C21orf91: variants seen among roughly 807,000 people sequenced by gnomAD.
C21orf91 encodes the protein protein EURL homolog.
In C21orf91, 26 loss-of-function variants were observed where a neutral mutation model predicts 32.9. The ratio of observed to expected loss-of-function variants is 0.79; its 90% CI spans 0.58 to 1.10. C21orf91 has a LOEUF of 1.10. C21orf91 is among the 50% of genes least tolerant of loss of function. The pLI, the probability that C21orf91 is intolerant of heterozygous loss-of-function variation, is 0.00. For missense variants in C21orf91, 310 were observed against 341.3 expected (o/e 0.91, Z 0.72); for synonymous variants, 126 against 120.4 (o/e 1.05, Z -0.31).
rs2062453712 is a variant in C21orf91, at chr21:17,789,280, CACACACAA to C, written c.*4127_*4134del. ...ACACACACACACACACACACACACACACACACAAAATGGAACTGAACAAAAGTCACTAC... is the reference window on the plus strand; with the variant it reads ...ACACACACACACACACACACACACACAATGGAACTGAACAAAAGTCACTAC... On this transcript the variant is annotated 3_prime_UTR_variant, in exon 5 of 5. Transcript: ENST00000284881. 1 of 139,176 alleles carries C rather than the reference CACACACAA, an allele frequency of 7.2e-6. No homozygotes were observed. The highest frequency in any genetic ancestry group is 2.7e-5 in the African/African-American group (1 of 36,376). The allele number at this position is 139,176 out of a possible 1,614,324, so 8.6% of individuals were successfully genotyped here. A position where few individuals can be genotyped will look rare whatever the true frequency, so the allele number is the denominator to read the frequency against.
At chr21:17,800,791 A>T (rs1465987177) in intron 2 of C21orf91, among the ~76,000 whole-genome samples, 4 of 152,216 alleles carry the variant, frequency 2.6e-5, no homozygotes, top group Non-Finnish European at 5.9e-5. Flanking sequence ...TACTTCAAAG[A>T]TATCCATGTC....
chr21:17,817,555 C>A (rs1353400365), intron 2 of C21orf91, among the ~76,000 whole-genome samples: 4 of 152,012 alleles, frequency 2.6e-5, no homozygotes, highest in African/African-American at 9.6e-5. Flanking sequence ...TGTAATATGA[C>A]AACACTAACT....
intron 2 of C21orf91, among the ~76,000 whole-genome samples, chr21:17,816,219 TA>T (rs1221372858): frequency 6.6e-6 from 1 of 152,216 alleles, no homozygotes; most frequent in East Asian, 1.9e-4. Flanking sequence ...ACAAAGGACT[TA>T]TTCCATGCTT....
At chr21:17,815,716 G>T (rs909435861) in intron 2 of C21orf91, among the ~76,000 whole-genome samples, 1 of 151,568 alleles carries the variant, frequency 6.6e-6, no homozygotes, top group Non-Finnish European at 1.5e-5. Flanking sequence ...GATGGAGTGC[G>T]ATGGCACAAT....
At chr21:17,800,138 T>A (rs1321220785) in intron 2 of C21orf91, among the ~76,000 whole-genome samples, 1 of 124,638 alleles carries the variant, frequency 8.0e-6, no homozygotes, top group Non-Finnish European at 1.7e-5. Context: ...GAAATTTACA[T>A]ACAGAAAATA....
At chr21:17,806,992 ATATT>A in intron 2 of C21orf91, among the ~76,000 whole-genome samples, 1 of 152,250 alleles carries the variant, frequency 6.6e-6, no homozygotes. Flanking sequence ...TCTATGACTG[ATATT>A]TATCCAATAC....
At chr21:17,806,551 G>A (rs1906507056) in intron 2 of C21orf91, among the ~76,000 whole-genome samples, 1 of 151,948 alleles carries the variant, frequency 6.6e-6, no homozygotes, top group African/African-American at 2.4e-5. Flanking sequence ...TGAATTAAGA[G>A]GGGGAGGCTG....
rs144168145 is a variant in C21orf91 at position 17,793,161 on chromosome 21, T to G, written c.*254A>C. On this transcript the variant is annotated 3_prime_UTR_variant, in exon 5 of 5. Coordinates refer to ENST00000284881, the MANE Select transcript of C21orf91 (RefSeq NM_001100420.2). ...TAAAATGACACTGTAACAGTATATT[T>G]AAGTAGTCACATGTGATAAAATTTG... 718 of 271,162 alleles carry G rather than the reference T, an allele frequency of 2.6e-3. 5 individuals carry two copies. The highest frequency in any genetic ancestry group is 0.021 in the South Asian group (147 of 7,062). 16.8% of individuals were successfully genotyped at this position (271,162 alleles called of 1,614,324 possible). A position where few individuals can be genotyped will look rare whatever the true frequency, so the allele number is the denominator to read the frequency against.
Position 17,795,021 on chromosome 21 carries a change from G to A in C21orf91, c.727+187C>T, listed in dbSNP as rs79154795. On this transcript the variant is annotated intron_variant, in intron 4 of 4. Coordinates refer to ENST00000284881, the MANE Select transcript of C21orf91 (RefSeq NM_001100420.2). ...TTCTGTCGCAAAAAAAAAAAAAAAA[G>A]GAAAAATGTATTTCCTCTGCAGTTG... 2.8e-3 allele frequency among the ~76,000 whole-genome samples: 384 copies of A among 138,920 alleles called. 10 individuals are homozygous for A. The East Asian group carries it at 0.074, about 27-fold the overall frequency. 91.1% of individuals were successfully genotyped at this position (138,920 alleles called of 152,430 possible). A position where few individuals can be genotyped will look rare whatever the true frequency, so the allele number is the denominator to read the frequency against.
rs1224573458 is a variant in C21orf91 at position 17,791,703 on chromosome 21, T to C, written c.*1712A>G. The stretch of plus-strand genomic sequence containing the variant: ...GCTTGTAAGTTTGAATATTTTGATA[T>C]TGCACACATTTAATTTAAAGCTCAT... On this transcript the variant is annotated 3_prime_UTR_variant, in exon 5 of 5. Transcript: ENST00000284881. 2 of 152,150 alleles carry C rather than the reference T, an allele frequency of 1.3e-5. No individual in the cohort carries two copies. The highest frequency in any genetic ancestry group is 2.9e-5 in the Non-Finnish European group (2 of 67,972). The allele number at this position is 152,150 out of a possible 1,614,324, so 9.4% of individuals were successfully genotyped here. A position where few individuals can be genotyped will look rare whatever the true frequency, so the allele number is the denominator to read the frequency against.
chr21:17,793,272 G>T lies in C21orf91; in HGVS notation c.*143C>A. The T allele has an allele frequency of 1.9e-6, 1 of 536,770 alleles. No individual in the cohort carries two copies. The highest frequency in any genetic ancestry group is 3.3e-6 in the Non-Finnish European group (1 of 305,496). The allele number at this position is 536,770 out of a possible 1,614,324, so 33.3% of individuals were successfully genotyped here. A position where few individuals can be genotyped will look rare whatever the true frequency, so the allele number is the denominator to read the frequency against. On this transcript the variant is annotated 3_prime_UTR_variant, in exon 5 of 5. Coordinates refer to ENST00000284881, the MANE Select transcript of C21orf91 (RefSeq NM_001100420.2). ...TAGAGTATAATGATCTGCTTTATTTGACAAAGATGTTAAATACTGCCTTAT... is the reference window on the plus strand; with the variant it reads ...TAGAGTATAATGATCTGCTTTATTTTACAAAGATGTTAAATACTGCCTTAT...
At chr21:17,807,540 G>A (rs747498125) in intron 2 of C21orf91, among the ~76,000 whole-genome samples, 2 of 152,234 alleles carry the variant, frequency 1.3e-5, no homozygotes, top group Non-Finnish European at 2.9e-5. Flanking sequence ...CGCAGAGGTT[G>A]GAACAGTTTG....
At chr21:17,818,737 C>T (rs368180644) in intron 1 of C21orf91, 2 of 156,430 alleles carry the variant, frequency 1.3e-5, no homozygotes, top group East Asian at 3.8e-4. Flanking sequence ...ACGACCTGCA[C>T]GGGACACTGC....
intron 2 of C21orf91, among the ~76,000 whole-genome samples, chr21:17,799,839 A>T (rs1413452620): frequency 1.3e-5 from 2 of 152,204 alleles, no homozygotes; most frequent in Non-Finnish European, 2.9e-5. Flanking sequence ...AGTTAAATGC[A>T]TAAAAGAAAA....
intron 2 of C21orf91, chr21:17,811,455 C>A (rs2062631922): frequency 6.6e-6 from 1 of 152,130 alleles, no homozygotes; most frequent in African/African-American, 2.4e-5. Context: ...AGAGATAAAT[C>A]TATCTTTGTC....
chr21:17,811,444 T>C lies in C21orf91; in HGVS notation c.127+6748A>G, dbSNP rs143179648. The C allele has an allele frequency of 5.3e-4, 81 of 152,338 alleles. 1 individual carries two copies. Among genetic ancestry groups the C allele is most frequent in the Middle Eastern group, 3.4e-3 (1 of 294 alleles). 9.4% of individuals were successfully genotyped at this position (152,338 alleles called of 1,614,324 possible). On this transcript the variant is annotated intron_variant, in intron 2 of 4. Transcript: ENST00000284881. ...GGGTGACACTTCACTTCCTCTAAAG[T>C]AGAGATAAATCTATCTTTGTCTTCT...
rs910484338 is a variant in C21orf91, at chr21:17,792,337, T to C, written c.*1078A>G. On this transcript the variant is annotated 3_prime_UTR_variant, in exon 5 of 5. Transcript: ENST00000284881. ...TTTCTTCTGTAGAACAATCCTATATTTCTCTATAGAGTCTAAAGTTTAGAA... is the reference window on the plus strand; with the variant it reads ...TTTCTTCTGTAGAACAATCCTATATCTCTCTATAGAGTCTAAAGTTTAGAA... The C allele has an allele frequency of 1.3e-5, 2 of 152,178 alleles. No individual in the cohort carries two copies. Among genetic ancestry groups the C allele is most frequent in the African/African-American group, 4.8e-5 (2 of 41,450 alleles). The allele number at this position is 152,178 out of a possible 1,614,324, so 9.4% of individuals were successfully genotyped here.
intron 2 of C21orf91, among the ~76,000 whole-genome samples, chr21:17,799,852 A>G (rs2062546840): frequency 6.6e-6 from 1 of 152,194 alleles, no homozygotes; most frequent in Non-Finnish European, 1.5e-5. Context: ...AAAGAAAATT[A>G]AAAATATATT....
intron 2 of C21orf91, among the ~76,000 whole-genome samples, chr21:17,807,483 T>C (rs1173428426): frequency 6.6e-6 from 1 of 152,196 alleles, no homozygotes; most frequent in Non-Finnish European, 1.5e-5. Flanking sequence ...GGGGCATTGC[T>C]ATAAAGATAC....
Sources: gnomAD v4.1 joint callset for allele counts (sites outside exome capture counted in the v4.1 genomes callset) on GRCh38, gnomAD v4.1.1 for gene constraint, MANE v1.5 for transcripts, NCBI Gene and HGNC (gene_info 2026-07-23, HGNC 2026-07-21) for gene names.